The following PTER variants were observed in gnomAD, a reference collection of about 807,000 sequenced individuals.
PTER encodes the protein N-acetyltaurine hydrolase.
A neutral mutation model predicts 29.6 loss-of-function variants in PTER; 38 were observed. That is an observed-to-expected ratio of 1.28 (90% confidence interval 0.99 to 1.68). The LOEUF is 1.68. PTER is among the 40% of genes most tolerant of loss of function. PTER has a pLI of 0.00. For missense variants in PTER, 482 were observed against 427.8 expected (o/e 1.13, Z -1.12); for synonymous variants, 172 against 154.5 (o/e 1.11, Z -0.84).
intron 1 of PTER, among the ~76,000 whole-genome samples, chr10:16,448,161 C>T (rs1371400466): frequency 6.6e-6 from 1 of 152,182 alleles, no homozygotes; most frequent in East Asian, 1.9e-4. Context: ...GATGGCAGGG[C>T]CTTGCTCCAA....
intron 1 of PTER, among the ~76,000 whole-genome samples, chr10:16,479,392 CACCGTTGG>C (rs1362319811): frequency 1.3e-4 from 20 of 152,132 alleles, no homozygotes; most frequent in Admixed American, 3.9e-4. Context: ...CTCCTGGTGT[CACCGTTGG>C]TCAGTGTCCA....
chr10:16,474,294 T>C (rs1026260956), intron 1 of PTER, among the ~76,000 whole-genome samples: 1 of 152,170 alleles, frequency 6.6e-6, no homozygotes, highest in African/African-American at 2.4e-5. Context: ...TGCAAAACTT[T>C]TTTCATCACT....
At chr10:16,488,421 C>T (rs34570205) in intron 3 of PTER, among the ~76,000 whole-genome samples, 31,688 of 151,962 alleles carry the variant, frequency 0.21, 3,439 homozygotes, top group Middle Eastern at 0.34. Context: ...TGAAGTACCT[C>T]ATACCTTCAA....
intron 4 of PTER, among the ~76,000 whole-genome samples, chr10:16,508,686 G>GTATA (rs58712254): frequency 3.8e-4 from 58 of 151,778 alleles, no homozygotes; most frequent in Non-Finnish European, 6.9e-4. Context: ...ATAAATCTGT[G>GTATA]TATATATATA....
rs559014661 is a variant in PTER at position 16,457,065 on chromosome 10, T to C, written c.-49+20018T>C. On this transcript the variant is annotated intron_variant, in intron 1 of 4. Coordinates refer to ENST00000535784, the MANE Select transcript of PTER (RefSeq NM_001261836.2). ...AATTACCCAGTCTCGGTTATGTCTT[T>C]ATCAGCAGCATGAAAACACCCTTCT... Among the ~76,000 whole-genome samples, 62 of 152,318 alleles carry C rather than the reference T, an allele frequency of 4.1e-4. 1 individual carries two copies. Among genetic ancestry groups the C allele is most frequent in the African/African-American group, 1.4e-3 (60 of 41,590 alleles).
At chr10:16,505,992 C>T (rs1223922188) in intron 4 of PTER, among the ~76,000 whole-genome samples, 1 of 151,982 alleles carries the variant, frequency 6.6e-6, no homozygotes, top group Non-Finnish European at 1.5e-5. Context: ...GAGTAGGAAC[C>T]GTTTCTCAAG....
At chr10:16,501,000 C>T (rs186806981) in intron 3 of PTER, among the ~76,000 whole-genome samples, 71 of 152,204 alleles carry the variant, frequency 4.7e-4, no homozygotes, top group African/African-American at 1.6e-3. Context: ...GGCACGATCT[C>T]GGCTCACTGC....
chr10:16,477,270 A>AGATAGATG (rs776283031), intron 1 of PTER, among the ~76,000 whole-genome samples: 6 of 138,958 alleles, frequency 4.3e-5, no homozygotes, highest in Non-Finnish European at 9.0e-5. Context: ...ATAGATAGAT[A>AGATAGATG]GATAGATAGA....
intron 1 of PTER, among the ~76,000 whole-genome samples, chr10:16,472,853 T>C (rs1222658692): frequency 6.6e-6 from 1 of 152,204 alleles, no homozygotes; most frequent in East Asian, 1.9e-4. Flanking sequence ...AGTGAGAATT[T>C]TATGTATGTA....
chr10:16,463,280 C>T (rs1834688986), intron 1 of PTER, among the ~76,000 whole-genome samples: 2 of 151,500 alleles, frequency 1.3e-5, no homozygotes, highest in South Asian at 4.2e-4. Context: ...GGGAAGAACT[C>T]AGCCAAGCTC....
chr10:16,481,778 C>A (rs1374715573), intron 1 of PTER, among the ~76,000 whole-genome samples: 1 of 152,144 alleles, frequency 6.6e-6, no homozygotes, highest in African/African-American at 2.4e-5. Context: ...ATCAATTTAG[C>A]TCAGTTTCTG....
rs529714099 is a variant in PTER, at chr10:16,484,310, G to GTTGTTTGT, written c.-48-12_-48-5dup. ...GTGTGTGTTAAATATTCTGATTGTA[G>GTTGTTTGT]TTGTTTGTTTGTTTGTTTGTTTTTA... On this transcript the variant is annotated intron_variant, in intron 1 of 4. Transcript: ENST00000535784. 4 of 1,345,916 alleles carry GTTGTTTGT rather than the reference G, an allele frequency of 3.0e-6. No homozygotes were observed. The African/African-American group carries it at 4.4e-5, about 15-fold the overall frequency. The allele number at this position is 1,345,916 out of a possible 1,614,324, so 83.4% of individuals were successfully genotyped here. A position where few individuals can be genotyped will look rare whatever the true frequency, so the allele number is the denominator to read the frequency against.
At chr10:16,473,524 A>AAAAAAC (rs1835135253) in intron 1 of PTER, among the ~76,000 whole-genome samples, 1 of 145,926 alleles carries the variant, frequency 6.9e-6, no homozygotes, top group Non-Finnish European at 1.5e-5. Context: ...CATCCGAAAA[A>AAAAAAC]AAAAAAAAAA....
chr10:16,478,876 T>C (rs1454743929), intron 1 of PTER, among the ~76,000 whole-genome samples: 2 of 152,116 alleles, frequency 1.3e-5, no homozygotes, highest in Non-Finnish European at 2.9e-5. Flanking sequence ...TGGATTTACT[T>C]ACCAGTTTAA....
intron 1 of PTER, among the ~76,000 whole-genome samples, chr10:16,450,903 A>G (rs557355345): frequency 2.3e-4 from 35 of 152,330 alleles, no homozygotes; most frequent in African/African-American, 8.2e-4. Flanking sequence ...TCTATTTTGC[A>G]TAACTCTTTA....
At chr10:16,467,669 A>G (rs1304761780) in intron 1 of PTER, among the ~76,000 whole-genome samples, 1 of 151,972 alleles carries the variant, frequency 6.6e-6, no homozygotes, top group Non-Finnish European at 1.5e-5. Flanking sequence ...AAAATTAGCC[A>G]GGTGTGGTAG....
chr10:16,516,983 A>T (rs140267464), downstream of PTER, among the ~76,000 whole-genome samples: 1,397 of 152,254 alleles, frequency 9.2e-3, 20 homozygotes, highest in African/African-American at 0.032. Flanking sequence ...TGCTCACCTG[A>T]TCCTACTCTA....
chr10:16,467,716 G>A (rs1834891146), intron 1 of PTER, among the ~76,000 whole-genome samples: 1 of 152,154 alleles, frequency 6.6e-6, no homozygotes, highest in Admixed American at 6.5e-5. Flanking sequence ...GGAGGCTGAC[G>A]CAGGAGAATT....
At chr10:16,445,120 A>G (rs780551859) in intron 1 of PTER, among the ~76,000 whole-genome samples, 1 of 152,232 alleles carries the variant, frequency 6.6e-6, no homozygotes, top group Non-Finnish European at 1.5e-5. Context: ...AGGAGAATAA[A>G]TGAGTGAAAT....
Sources: gnomAD v4.1 joint callset for allele counts (sites outside exome capture counted in the v4.1 genomes callset) on GRCh38, gnomAD v4.1.1 for gene constraint, MANE v1.5 for transcripts, NCBI Gene and HGNC (gene_info 2026-07-23, HGNC 2026-07-21) for gene names.